DOCK11: variants seen among roughly 807,000 people sequenced by gnomAD.
DOCK11 encodes dedicator of cytokinesis protein 11.
A neutral mutation model predicts 169.1 loss-of-function variants in DOCK11; 70 were observed. The observed-to-expected ratio is 0.41, with a 90% CI of 0.34 to 0.51. The LOEUF (loss-of-function observed/expected upper bound fraction) is 0.51, where lower values mean the gene tolerates loss of function less well. DOCK11 is among the 20% of genes least tolerant of loss of function. DOCK11 has a pLI of 0.10. For missense variants in DOCK11, 1,166 were observed against 1,538.8 expected (o/e 0.76, Z 4.05); for synonymous variants, 529 against 541.3 (o/e 0.98, Z 0.32).
chrX:118,561,324 A>G, intron 6 of DOCK11, 59 bp from the exon 7 acceptor site: 1 of 1,042,784 alleles, frequency 9.6e-7, no homozygotes, highest in Non-Finnish European at 1.2e-6. Flanking sequence ...GTTCAGAGAA[A>G]CTATTCAAAT....
rs1017214208 is a variant in DOCK11 at position 118,651,286 on chromosome X, T to C, written c.4582-678T>C. On this transcript the variant is annotated intron_variant, in intron 41 of 52. Transcript: ENST00000276202. Reference sequence around the variant, plus strand: ...CTGTCCCTACAAAAATATAAAAAATTAGTTAGGTGTGGTGGCACACATCTG... The same window carrying C: ...CTGTCCCTACAAAAATATAAAAAATCAGTTAGGTGTGGTGGCACACATCTG... Among the ~76,000 whole-genome samples, 7 of 110,870 alleles carry C rather than the reference T, an allele frequency of 6.3e-5. 1 individual carries two copies. The highest frequency in any genetic ancestry group is 4.8e-4 in the Admixed American group (5 of 10,373).
intron 4 of DOCK11, among the ~76,000 whole-genome samples, chrX:118,544,402 T>C (rs2012160373): frequency 9.0e-6 from 1 of 110,951 alleles, no homozygotes; most frequent in Admixed American, 9.7e-5. Flanking sequence ...TTCTCATCTC[T>C]AGCACTAATT....
At chrX:118,646,613 A>G (rs768278178) in intron 40 of DOCK11, among the ~76,000 whole-genome samples, 8 of 111,665 alleles carry the variant, frequency 7.2e-5, no homozygotes, top group Non-Finnish European at 1.1e-4. Context: ...CACTCAGAGA[A>G]GTGAGTGATG....
Position 118,676,700 on chromosome X carries a change from G to A in DOCK11, c.5423G>A (p.Gly1808Asp). 1.0e-5 allele frequency: 12 copies of A among 1,203,950 alleles called. No homozygotes were observed. The highest frequency in any genetic ancestry group is 1.2e-5 in the Non-Finnish European group (11 of 890,792). ...RLVKLYGEKF[G>D]TENVKIIQDS... is the part of the protein sequence containing the mutation. Reference sequence around the variant, plus strand: ...GTTAAACTTTATGGTGAAAAGTTTGGTACGGAGAATGTCAAAATAATTCAG... The same window carrying A: ...GTTAAACTTTATGGTGAAAAGTTTGATACGGAGAATGTCAAAATAATTCAG... The change falls in exon 48 of 53, where the codon GGT becomes GAT. Residue 1808 changes from glycine to aspartate, a missense_variant. Gly to Asp is a moderately conservative substitution (Grantham distance 94). Coordinates refer to ENST00000276202, the MANE Select transcript of DOCK11 (RefSeq NM_144658.4).
intron 40 of DOCK11, among the ~76,000 whole-genome samples, chrX:118,648,565 TTA>T (rs1225008356): frequency 2.1e-5 from 2 of 93,960 alleles, no homozygotes; most frequent in African/African-American, 7.7e-5. Context: ...ATTATATATA[TTA>T]TATACATATA....
intron 1 of DOCK11, among the ~76,000 whole-genome samples, chrX:118,496,957 A>T (rs770553914): frequency 4.7e-4 from 53 of 112,229 alleles, no homozygotes; most frequent in Non-Finnish European, 9.6e-4. Context: ...AGCCTTATCC[A>T]GATTGTCTGA....
At chrX:118,624,737 T>A in intron 32 of DOCK11, 82 bp downstream of exon 32, 2 of 481,358 alleles carry the variant, frequency 4.2e-6, no homozygotes, top group Non-Finnish European at 6.9e-6. Flanking sequence ...CTATATGATC[T>A]CAACCTTAAG....
rs55740749 is a variant in DOCK11 at position 118,601,944 on chromosome X, A to ATT, written c.2562+2731_2562+2732dup. 1.3e-4 allele frequency among the ~76,000 whole-genome samples: 12 copies of ATT among 95,059 alleles called. No individual in the cohort carries two copies. In the East Asian group the frequency reaches 1.3e-3, roughly 10 times the overall value. 82.5% of individuals were successfully genotyped at this position (95,059 alleles called of 115,157 possible). ...AGGCGCCCGCCACCATGCCCAGCTA[A>ATT]TTTTTTTTTTTTTTTTGTATTTTTT... On this transcript the variant is annotated intron_variant, in intron 23 of 52. Transcript: ENST00000276202.
At chrX:118,514,028 A>C (rs1484347717) in intron 1 of DOCK11, among the ~76,000 whole-genome samples, 3 of 111,626 alleles carry the variant, frequency 2.7e-5, no homozygotes, top group Non-Finnish European at 5.6e-5. Context: ...CCCCACGTCA[A>C]TGGTGGGAAC....
At chrX:118,617,217 C>T (rs373064689) in intron 30 of DOCK11, among the ~76,000 whole-genome samples, 6 of 111,558 alleles carry the variant, frequency 5.4e-5, no homozygotes, top group East Asian at 5.6e-4. Context: ...CTTGGCTGGG[C>T]GCGATGGCTA....
At chrX:118,557,691 G>A (rs1181215284) in intron 6 of DOCK11, among the ~76,000 whole-genome samples, 2 of 101,195 alleles carry the variant, frequency 2.0e-5, no homozygotes, top group Non-Finnish European at 4.0e-5. Flanking sequence ...GTGAACCCAG[G>A]AGGTGGAGCT....
intron 48 of DOCK11, 51 bp downstream of exon 48, chrX:118,676,788 G>A: frequency 9.5e-7 from 1 of 1,053,129 alleles, no homozygotes; most frequent in Non-Finnish European, 1.3e-6. Context: ...TCCAGGCATT[G>A]TACATTGCTC....
intron 40 of DOCK11, among the ~76,000 whole-genome samples, chrX:118,647,136 GATATGT>G (rs1041525679): frequency 2.6e-5 from 2 of 76,921 alleles, no homozygotes; most frequent in Non-Finnish European, 4.9e-5. Context: ...ATGTGAAGAG[GATATGT>G]GTGTGTGTGT....
chrX:118,548,773 G>A (rs182576684), intron 6 of DOCK11, among the ~76,000 whole-genome samples: 48 of 112,283 alleles, frequency 4.3e-4, no homozygotes, highest in African/African-American at 1.5e-3. Flanking sequence ...TCTAACCTGC[G>A]AAACTATAAG....
At chrX:118,619,499 T>A (rs72607634) in intron 31 of DOCK11, among the ~76,000 whole-genome samples, 8,430 of 83,217 alleles carry the variant, frequency 0.1, 559 homozygotes, top group African/African-American at 0.14. Flanking sequence ...AAAAAAAAAA[T>A]ATATATATAT....
chrX:118,656,693 G>T (rs893961634), intron 44 of DOCK11, among the ~76,000 whole-genome samples: 3 of 111,972 alleles, frequency 2.7e-5, no homozygotes, highest in African/African-American at 9.7e-5. Context: ...GCCAGGCATG[G>T]TGGCTCACGC....
chrX:118,603,799 T>C (rs1478493289), intron 23 of DOCK11, among the ~76,000 whole-genome samples: 1 of 111,922 alleles, frequency 8.9e-6, no homozygotes, highest in African/African-American at 3.3e-5. Context: ...TGTACTTGCC[T>C]TGAAAGAGTA....
At chrX:118,534,942 A>AG in intron 1 of DOCK11, among the ~76,000 whole-genome samples, 1 of 111,726 alleles carries the variant, frequency 9.0e-6, no homozygotes, top group Non-Finnish European at 1.9e-5. Context: ...AAAAGACCTA[A>AG]GGTGCTAATC....
rs1456423045 is a variant in DOCK11 at position 118,680,565 on chromosome X, A to C, written c.5544A>C (p.Thr1848=). Residue 1848 remains threonine (T), a synonymous_variant, in exon 49 of 53, where the codon ACA becomes ACC. Coordinates refer to ENST00000276202, the MANE Select transcript of DOCK11 (RefSeq NM_144658.4). The part of the protein sequence containing the change: ...VKPYFDDKEL[T]ERKTEFERNH... ...CTTACTTTGATGACAAAGAACTCAC[A>C]GAAAGGAAGACCGAGTTTGAAAGAA... 8.3e-7 allele frequency: 1 copy of C among 1,211,086 alleles called. No homozygotes were observed. The highest frequency in any genetic ancestry group is 3.0e-5 in the East Asian group (1 of 33,841).
Sources: gnomAD v4.1 joint callset for allele counts (sites outside exome capture counted in the v4.1 genomes callset) on GRCh38, gnomAD v4.1.1 for gene constraint, MANE v1.5 for transcripts, NCBI Gene and HGNC (gene_info 2026-07-23, HGNC 2026-07-21) for gene names.